SIK2: variants seen among roughly 807,000 people sequenced by gnomAD.
SIK2 encodes the protein serine/threonine-protein kinase SIK2.
In SIK2, 29 loss-of-function variants were observed where a neutral mutation model predicts 103.2. The observed-to-expected ratio is 0.28, with a 90% CI of 0.21 to 0.38. The LOEUF is 0.38. SIK2 is among the 10% of genes least tolerant of loss of function. The pLI, the probability that SIK2 is intolerant of heterozygous loss-of-function variation, is 1.00. For synonymous variants in SIK2, 412 were observed against 446.1 expected (o/e 0.92, Z 0.96); for missense variants, 879 against 1,171.0 (o/e 0.75, Z 3.64).
intron 3 of SIK2, among the ~76,000 whole-genome samples, chr11:111,645,421 TGTTGAGG>T (rs1361639576): frequency 1.3e-5 from 2 of 152,176 alleles, no homozygotes; most frequent in African/African-American, 2.4e-5. Context: ...AAAAACATAT[TGTTGAGG>T]GAAGGAAAGC....
chr11:111,690,371 C>G (rs1252956438), intron 4 of SIK2, among the ~76,000 whole-genome samples: 1 of 150,876 alleles, frequency 6.6e-6, no homozygotes. Flanking sequence ...AAATATTTAC[C>G]AAAACAATAG....
At chr11:111,603,785 G>C (rs1176142332) in intron 1 of SIK2, among the ~76,000 whole-genome samples, 1 of 152,142 alleles carries the variant, frequency 6.6e-6, no homozygotes, top group Non-Finnish European at 1.5e-5. Flanking sequence ...TTTCCTGTTT[G>C]TTTGCCCTCC....
In SIK2 at chr11:111,712,243, T is replaced by C. The variant is rs925219868; in HGVS notation, c.1134T>C (p.His378=). The C allele has an allele frequency of 5.0e-6, 8 of 1,614,230 alleles. No homozygotes were observed. Among genetic ancestry groups the C allele is most frequent in the Non-Finnish European group, 6.8e-6 (8 of 1,180,034 alleles). Residue 378 remains histidine, a synonymous_variant, in exon 9 of 15, where the codon CAT becomes CAC. Transcript: ENST00000304987. ...AQTVGLPVTM[H]SPNMRLLRSA... is the part of the protein sequence containing the mutation. ...CTGTGGGGCTCCCAGTGACCATGCA[T>C]TCACCGAACATGAGGCTGCTGCGAT...
chr11:111,684,513 C>T (rs960313375), intron 3 of SIK2, among the ~76,000 whole-genome samples: 2 of 152,142 alleles, frequency 1.3e-5, no homozygotes, highest in African/African-American at 4.8e-5. Flanking sequence ...AGCGGTACAG[C>T]TTAAATAGCA....
At chr11:111,618,712 C>T (rs1370082696) in intron 2 of SIK2, among the ~76,000 whole-genome samples, 3 of 152,026 alleles carry the variant, frequency 2.0e-5, no homozygotes, top group Non-Finnish European at 4.4e-5. Flanking sequence ...ATTACTTCTC[C>T]CTTTAAACTT....
At chr11:111,626,477 G>A (rs1941962336) in intron 3 of SIK2, among the ~76,000 whole-genome samples, 1 of 151,614 alleles carries the variant, frequency 6.6e-6, no homozygotes, top group African/African-American at 2.4e-5. Context: ...ACCTGAATGA[G>A]GTTTTGAATC....
chr11:111,610,830 A>G (rs1181630200), intron 1 of SIK2, among the ~76,000 whole-genome samples: 1 of 152,204 alleles, frequency 6.6e-6, no homozygotes, highest in Non-Finnish European at 1.5e-5. Flanking sequence ...GAAAAATAAT[A>G]CATGTTCACT....
chr11:111,710,322 T>C (rs1943462275), intron 8 of SIK2, among the ~76,000 whole-genome samples: 1 of 152,210 alleles, frequency 6.6e-6, no homozygotes, highest in African/African-American at 2.4e-5. Context: ...CTCTGAATGG[T>C]ATGCAGTTGT....
At chr11:111,665,145 T>C (rs1269094811) in intron 3 of SIK2, among the ~76,000 whole-genome samples, 3 of 152,158 alleles carry the variant, frequency 2.0e-5, no homozygotes, top group Non-Finnish European at 4.4e-5. Flanking sequence ...CCAGGGATAC[T>C]ATGGGGCAAG....
chr11:111,644,726 C>G (rs1477509362), intron 3 of SIK2, among the ~76,000 whole-genome samples: 2 of 152,190 alleles, frequency 1.3e-5, no homozygotes, highest in Admixed American at 1.3e-4. Flanking sequence ...AGTTTTTAAA[C>G]TAACACACTT....
rs554702464 is a variant in SIK2, at chr11:111,715,214, C to T, written c.1266+2839C>T. ...ACTCAGTCAGGCCATAGACATCCTC[C>T]GGGCTTCTTTGTGGACCGTTTTATT... On this transcript the variant is annotated intron_variant, in intron 9 of 14. Coordinates refer to ENST00000304987, the MANE Select transcript of SIK2 (RefSeq NM_015191.3). Among the ~76,000 whole-genome samples, 34 of 152,344 alleles carry T rather than the reference C, an allele frequency of 2.2e-4. No homozygotes were observed. The South Asian group carries it at 2.7e-3, about 12-fold the overall frequency.
chr11:111,723,582 C>T lies in SIK2; in HGVS notation c.2234C>T (p.Pro745Leu). ...ATGCAGATAGCAGAGAGCTCCTACCCACAGCCAAGTCAGCAGCTGCCCCTT... is the reference window on the plus strand; with the variant it reads ...ATGCAGATAGCAGAGAGCTCCTACCTACAGCCAAGTCAGCAGCTGCCCCTT... Reference protein sequence around the residue: ...NQMQIAESSYPQPSQQLPLPR... With the variant: ...NQMQIAESSYLQPSQQLPLPR... Residue 745 changes from proline to leucine, a missense_variant, in exon 15 of 15, where the codon CCA becomes CTA. Around this residue, in one of 7 missense-constraint regions of SIK2, gnomAD observed 375 missense variants for 416.3 expected, o/e 0.90. Coordinates refer to ENST00000304987, the MANE Select transcript of SIK2 (RefSeq NM_015191.3). 1.2e-6 allele frequency: 2 copies of T among 1,614,244 alleles called. No homozygotes were observed. Among genetic ancestry groups the T allele is most frequent in the Admixed American group, 1.7e-5 (1 of 60,034 alleles).
chr11:111,640,996 C>T (rs1942175924), intron 3 of SIK2, among the ~76,000 whole-genome samples: 1 of 151,978 alleles, frequency 6.6e-6, no homozygotes, highest in African/African-American at 2.4e-5. Context: ...AAACTCGGTG[C>T]CAGTATAGCA....
rs1943221947 is a variant in SIK2 at position 111,701,987 on chromosome 11, A to G, written c.727+412A>G. Among the ~76,000 whole-genome samples the G allele has an allele frequency of 6.6e-6, 1 of 152,252 alleles. No individual in the cohort carries two copies. Among genetic ancestry groups the G allele is most frequent in the Non-Finnish European group, 1.5e-5 (1 of 68,048 alleles). The stretch of plus-strand genomic sequence containing the variant: ...TGCTAAATTCAGATGATATGCCATA[A>G]TCCCTGCCTGTCGTGTATTGAGCTG... On this transcript the variant is annotated intron_variant, in intron 6 of 14. Coordinates refer to ENST00000304987, the MANE Select transcript of SIK2 (RefSeq NM_015191.3). The surrounding 1 kb of genome is among the most constrained non-coding windows in gnomAD (Gnocchi z 4.2).
chr11:111,709,841 G>A (rs1359573224), intron 8 of SIK2, among the ~76,000 whole-genome samples: 7 of 152,192 alleles, frequency 4.6e-5, no homozygotes, highest in African/African-American at 1.7e-4. Context: ...GTCAGTTGTA[G>A]TAGTCCAGGT....
chr11:111,631,321 A>G (rs1450573258), intron 3 of SIK2, among the ~76,000 whole-genome samples: 2 of 152,192 alleles, frequency 1.3e-5, no homozygotes, highest in Non-Finnish European at 2.9e-5. Context: ...CAGTGCTCAT[A>G]TGATTGTCAG....
rs536199332 is a variant in SIK2 at position 111,676,848 on chromosome 11, A to G, written c.317-11153A>G. 5.3e-5 allele frequency among the ~76,000 whole-genome samples: 8 copies of G among 152,368 alleles called. No individual in the cohort carries two copies. In the East Asian group the frequency reaches 1.3e-3, roughly 26 times the overall value. On this transcript the variant is annotated intron_variant, in intron 3 of 14. Coordinates refer to ENST00000304987, the MANE Select transcript of SIK2 (RefSeq NM_015191.3). ...ACTACATTTCTTTCCTTCTTAAGAA[A>G]TAATTGCATATCAATATAGCTATCT...
intron 3 of SIK2, among the ~76,000 whole-genome samples, chr11:111,640,630 A>T (rs1452880414): frequency 6.6e-6 from 1 of 151,864 alleles, no homozygotes; most frequent in Non-Finnish European, 1.5e-5. Context: ...TCTAAGGGAG[A>T]ATTAAAAACA....
intron 8 of SIK2, among the ~76,000 whole-genome samples, chr11:111,706,649 A>G (rs933820104): frequency 6.6e-6 from 1 of 152,192 alleles, no homozygotes; most frequent in Non-Finnish European, 1.5e-5. Flanking sequence ...ATATTTTGTT[A>G]TACGTACTTT....
Sources: gnomAD v4.1 joint callset for allele counts (sites outside exome capture counted in the v4.1 genomes callset) on GRCh38, gnomAD v4.1.1 for gene constraint, gnomAD v4.1.1 regional missense constraint, Gnocchi (gnomAD v3.1) non-coding constraint, MANE v1.5 for transcripts, NCBI Gene and HGNC (gene_info 2026-07-23, HGNC 2026-07-21) for gene names.